The following IDE variants were observed in gnomAD, a reference collection of about 807,000 sequenced individuals.
IDE encodes the protein insulin degrading enzyme, also known as insulin-degrading enzyme.
IDE carries 58 observed loss-of-function variants against 133.2 expected under a neutral mutation model. The ratio of observed to expected loss-of-function variants is 0.44; its 90% CI spans 0.35 to 0.54. IDE has a LOEUF of 0.54. Among genes scored for constraint, IDE ranks in the 20% least tolerant of loss-of-function variants. The pLI, the probability that IDE is intolerant of heterozygous loss-of-function variation, is 0.00. For synonymous variants in IDE, 396 were observed against 421.3 expected (o/e 0.94, Z 0.73); for missense variants, 981 against 1,234.0 (o/e 0.79, Z 3.07).
Position 92,475,973 on chromosome 10 carries a change from C to T in IDE, c.1906G>A (p.Asp636Asn). 2 of 1,503,282 alleles carry T rather than the reference C, an allele frequency of 1.3e-6. No homozygotes were observed. Among genetic ancestry groups the T allele is most frequent in the Non-Finnish European group, 9.1e-7 (1 of 1,093,900 alleles). The allele number at this position is 1,503,282 out of a possible 1,614,324, so 93.1% of individuals were successfully genotyped here. ...TTCTTTAGTAAAATTGGCTGCTTGTCATTGTAACCTTTCACTGAAAGCTAC... is the reference window on the plus strand; with the variant it reads ...TTCTTTAGTAAAATTGGCTGCTTGTTATTGTAACCTTTCACTGAAAGCTAC... Reference protein sequence around the residue: ...GMYLSVKGYNDKQPILLKKII... With the variant: ...GMYLSVKGYNNKQPILLKKII... Residue 636 changes from aspartate (D) to asparagine (N), a missense_variant, in exon 16 of 25, where the codon GAC becomes AAC. By Grantham distance (23) the Asp-to-Asn change is conservative. This residue lies in a region of IDE where 660 missense variants were observed against 894.7 expected (regional missense o/e 0.74). Transcript: ENST00000265986.
chr10:92,454,423 T>C lies in IDE; in HGVS notation c.*21A>G. The stretch of plus-strand genomic sequence containing the variant: ...GACTCAGGAATGCATCCACTTGCAC[T>C]TTCCCATGCATGGGGAATCTTCAGA... On this transcript the variant is annotated 3_prime_UTR_variant, in exon 25 of 25. Transcript: ENST00000265986. The C allele has an allele frequency of 6.5e-7, 1 of 1,545,610 alleles. No individual in the cohort carries two copies. The highest frequency in any genetic ancestry group is 8.9e-7 in the Non-Finnish European group (1 of 1,117,454).
At chr10:92,560,311 T>A (rs1843216673) in intron 1 of IDE, among the ~76,000 whole-genome samples, 1 of 152,228 alleles carries the variant, frequency 6.6e-6, no homozygotes, top group South Asian at 2.1e-4. Flanking sequence ...CGTTCCTATC[T>A]GCCTTATTTA....
In IDE at chr10:92,547,500, T is replaced by C. The variant is rs779747668; in HGVS notation, c.99-9950A>G. Among the ~76,000 whole-genome samples, 4 of 152,282 alleles carry C rather than the reference T, an allele frequency of 2.6e-5. No individual in the cohort carries two copies. In the East Asian group the frequency reaches 5.8e-4, roughly 22 times the overall value. On this transcript the variant is annotated intron_variant, in intron 1 of 24. Coordinates refer to ENST00000265986, the MANE Select transcript of IDE (RefSeq NM_004969.4). ...CATAAATATCCCTTATCAAAAATGG[T>C]TGGGATCAGATGTATTTCAGATTTT...
At position 92,476,879 on chromosome 10, in the gene IDE, G is replaced by A. The variant is rs138916834; in HGVS notation, c.1885-885C>T. ...CAGGGCATAGTGGCACGTACAAGTC[G>A]TCCCAGCTACTTGGAAAGCTGAGAT... is the stretch of plus-strand genomic sequence containing the variant. On this transcript the variant is annotated intron_variant, in intron 15 of 24. Coordinates refer to ENST00000265986, the MANE Select transcript of IDE (RefSeq NM_004969.4). Among the ~76,000 whole-genome samples the A allele has an allele frequency of 4.1e-3, 629 of 152,244 alleles. 12 individuals carry two copies. Among genetic ancestry groups the A allele is most frequent in the East Asian group, 2.7e-3 (14 of 5,176 alleles).
At chr10:92,486,509 G>A (rs967371292) in intron 13 of IDE, among the ~76,000 whole-genome samples, 1 of 152,068 alleles carries the variant, frequency 6.6e-6, no homozygotes, top group Non-Finnish European at 1.5e-5. Context: ...AGAAACATCT[G>A]TGTGTGTGTG....
At chr10:92,501,805 T>C (rs1848037043) in intron 11 of IDE, among the ~76,000 whole-genome samples, 1 of 151,922 alleles carries the variant, frequency 6.6e-6, no homozygotes, top group Non-Finnish European at 1.5e-5. Flanking sequence ...TGAAACCCCA[T>C]CTCTACTAAA....
At chr10:92,483,099 T>TTTTA in intron 14 of IDE, among the ~76,000 whole-genome samples, 156 bp downstream of exon 14, 1 of 152,266 alleles carries the variant, frequency 6.6e-6, no homozygotes, top group South Asian at 2.1e-4. Flanking sequence ...TTTTCTTTAC[T>TTTTA]TTTATTTATT....
intron 11 of IDE, among the ~76,000 whole-genome samples, chr10:92,500,212 G>A (rs887405777): frequency 4.6e-5 from 7 of 151,688 alleles, no homozygotes; most frequent in Admixed American, 1.3e-4. Context: ...CAAGAGAATC[G>A]CTTAAACTCG....
intron 1 of IDE, among the ~76,000 whole-genome samples, chr10:92,573,331 C>T (rs546474323): frequency 4.6e-5 from 7 of 152,272 alleles, no homozygotes; most frequent in Non-Finnish European, 1.0e-4. Flanking sequence ...TAGAGGATCC[C>T]GAGGTATCTT....
chr10:92,554,403 G>C (rs1564675486), intron 1 of IDE, among the ~76,000 whole-genome samples: 1 of 152,100 alleles, frequency 6.6e-6, no homozygotes, highest in Non-Finnish European at 1.5e-5. Flanking sequence ...AAACAGCTGG[G>C]CATGATGGCA....
intron 4 of IDE, among the ~76,000 whole-genome samples, chr10:92,526,844 T>TA (rs1235278928): frequency 1.4e-3 from 112 of 80,564 alleles, no homozygotes; most frequent in African/African-American, 5.6e-3. Flanking sequence ...AGGCCCTGTC[T>TA]CAAAAAAAAA....
chr10:92,502,011 C>A (rs1848051826), intron 11 of IDE, among the ~76,000 whole-genome samples: 1 of 151,968 alleles, frequency 6.6e-6, no homozygotes, highest in African/African-American at 2.4e-5. Flanking sequence ...GGTATAGTGG[C>A]TTGCACCCAT....
intron 1 of IDE, among the ~76,000 whole-genome samples, chr10:92,563,275 A>AC (rs1338299395): frequency 1.3e-5 from 2 of 150,780 alleles, no homozygotes; most frequent in Non-Finnish European, 3.0e-5. Flanking sequence ...CCATGGTGAA[A>AC]CCCCCATCTC....
intron 1 of IDE, among the ~76,000 whole-genome samples, chr10:92,539,298 G>T (rs1842183965): frequency 6.6e-6 from 1 of 151,856 alleles, no homozygotes; most frequent in Non-Finnish European, 1.5e-5. Context: ...TATAATACTG[G>T]TTTTAAAAAT....
At chr10:92,552,630 G>A (rs758397828) in intron 1 of IDE, among the ~76,000 whole-genome samples, 5 of 151,366 alleles carry the variant, frequency 3.3e-5, no homozygotes, top group East Asian at 1.9e-4. Flanking sequence ...AGGCTGAGGC[G>A]AGCAGATCAC....
intron 5 of IDE, among the ~76,000 whole-genome samples, chr10:92,513,999 C>T (rs1348396895): frequency 6.6e-6 from 1 of 152,036 alleles, no homozygotes; most frequent in Non-Finnish European, 1.5e-5. Flanking sequence ...ATTCTATTTG[C>T]AATTATAAAA....
intron 20 of IDE, 116 bp from the exon 21 acceptor site, chr10:92,464,119 T>C: frequency 9.8e-7 from 1 of 1,024,800 alleles, no homozygotes; most frequent in Non-Finnish European, 1.4e-6. Context: ...TTTTAGAGTA[T>C]TCACCTCTTA....
chr10:92,541,289 G>A (rs1207835141), intron 1 of IDE: 1 of 470,330 alleles, frequency 2.1e-6, no homozygotes. Flanking sequence ...ACAACGATTT[G>A]ATTCTCACCT....
In IDE at chr10:92,468,847, T is replaced by C. The variant is rs779614549; in HGVS notation, c.2320+32A>G. On this transcript the variant is annotated intron_variant, in intron 19 of 24. Coordinates refer to ENST00000265986, the MANE Select transcript of IDE (RefSeq NM_004969.4). ...CACCCACACTGTTATGTCAAAATAG[T>C]CCATTCCCAAAGTTACAACATCTCT... 28 of 1,135,886 alleles carry C rather than the reference T, an allele frequency of 2.5e-5. No homozygotes were observed. The South Asian group carries it at 3.2e-4, about 13-fold the overall frequency. The allele number at this position is 1,135,886 out of a possible 1,614,324, so 70.4% of individuals were successfully genotyped here. A position where few individuals can be genotyped will look rare whatever the true frequency, so the allele number is the denominator to read the frequency against.
Sources: gnomAD v4.1 joint callset for allele counts (sites outside exome capture counted in the v4.1 genomes callset) on GRCh38, gnomAD v4.1.1 for gene constraint, gnomAD v4.1.1 regional missense constraint, MANE v1.5 for transcripts, NCBI Gene and HGNC (gene_info 2026-07-23, HGNC 2026-07-21) for gene names.